The following PRDM16 variants were observed in gnomAD, a reference collection of about 807,000 sequenced individuals.
The protein encoded by PRDM16 is PR/SET domain 16.
In PRDM16, 23 loss-of-function variants were observed where a neutral mutation model predicts 110.6. The observed-to-expected ratio is 0.21, with a 90% CI of 0.15 to 0.29. PRDM16 has a LOEUF of 0.29. Among genes scored for constraint, PRDM16 ranks in the 10% least tolerant of loss-of-function variants. The pLI is 1.00. For missense variants in PRDM16, 1,615 were observed against 1,794.3 expected, an observed-to-expected ratio of 0.90 and a Z score of 1.81; for synonymous variants, 799 against 781.8, an observed-to-expected ratio of 1.02 and a Z score of -0.37.
rs1385434478 is a variant in PRDM16 at position 3,190,261 on chromosome 1, G to A, written c.387+3787G>A. Among the ~76,000 whole-genome samples, 4 of 151,544 alleles carry A rather than the reference G, an allele frequency of 2.6e-5. No individual in the cohort carries two copies. The highest frequency in any genetic ancestry group is 7.3e-5 in the African/African-American group (3 of 41,228). On this transcript the variant is annotated intron_variant, in intron 2 of 16. Coordinates refer to ENST00000270722, the MANE Select transcript of PRDM16 (RefSeq NM_022114.4). The surrounding 1 kb of genome is among the most constrained non-coding windows in gnomAD (Gnocchi z 5.0). ...CGTGGGGCAGCCTTACTTCAAGGTC[G>A]TGGGGCAGCCTTACTTCAAGGTCGT...
intron 3 of PRDM16, among the ~76,000 whole-genome samples, chr1:3,251,369 G>C (rs1266115368): frequency 6.6e-6 from 1 of 152,222 alleles, no homozygotes; most frequent in Non-Finnish European, 1.5e-5. Flanking sequence ...GTGAGGTGGG[G>C]TGAGAGCGGA....
chr1:3,327,735 T>C (rs1335223539), intron 3 of PRDM16, among the ~76,000 whole-genome samples: 1 of 152,110 alleles, frequency 6.6e-6, no homozygotes, highest in Non-Finnish European at 1.5e-5. Context: ...ACCACTGCAC[T>C]TGGCCCCCAC....
intron 4 of PRDM16, among the ~76,000 whole-genome samples, chr1:3,389,452 C>T (rs552357504): frequency 4.6e-5 from 7 of 152,190 alleles, no homozygotes; most frequent in Non-Finnish European, 1.0e-4. Flanking sequence ...TGCTTGTGGG[C>T]CCCACCTCCA....
At chr1:3,323,897 C>G (rs1641823305) in intron 3 of PRDM16, among the ~76,000 whole-genome samples, 1 of 152,228 alleles carries the variant, frequency 6.6e-6, no homozygotes, top group South Asian at 2.1e-4. Context: ...CTGCACGGGC[C>G]TCATCTCCTT....
At chr1:3,349,491 C>G (rs144096885) in intron 3 of PRDM16, among the ~76,000 whole-genome samples, 16 of 152,348 alleles carry the variant, frequency 1.1e-4, no homozygotes, top group African/African-American at 3.6e-4. Flanking sequence ...GGCGCAGCCA[C>G]TGGGTGCCCA....
Position 3,412,820 on chromosome 1 carries a change from C to T in PRDM16, c.2603+20C>T, listed in dbSNP as rs2493291. ...CTACAGGTATTCAGCACCCCAGCCTCACTGGCTCTCCCTGGGGCGGGGCCG... is the reference window on the plus strand; with the variant it reads ...CTACAGGTATTCAGCACCCCAGCCTTACTGGCTCTCCCTGGGGCGGGGCCG... On this transcript the variant is annotated intron_variant, in intron 9 of 16. Transcript: ENST00000270722. The T allele has an allele frequency of 0.13, 193,249 of 1,434,330 alleles. 13,832 individuals carry two copies. Among genetic ancestry groups the T allele is most frequent in the Middle Eastern group, 0.24 (1,279 of 5,394 alleles). The allele number at this position is 1,434,330 out of a possible 1,614,324, so 88.9% of individuals were successfully genotyped here. A position where few individuals can be genotyped will look rare whatever the true frequency, so the allele number is the denominator to read the frequency against.
rs1014808810 is a variant in PRDM16 at position 3,148,294 on chromosome 1, A to G, written c.38-37831A>G. Among the ~76,000 whole-genome samples the G allele has an allele frequency of 6.6e-6, 1 of 152,128 alleles. No individual in the cohort carries two copies. The highest frequency in any genetic ancestry group is 2.4e-5 in the African/African-American group (1 of 41,442). On this transcript the variant is annotated intron_variant, in intron 1 of 16. Transcript: ENST00000270722. This position sits in a 1 kb window ranked among gnomAD's most constrained non-coding sequence, Gnocchi z 5.0. ...GAGAGCAGGTCGGGTGCCAGGACAG[A>G]GCAGCCACAGGTGGCCGCCCAGGGG...
At chr1:3,395,872 C>T (rs10909937) in intron 4 of PRDM16, among the ~76,000 whole-genome samples, 72,220 of 152,094 alleles carry the variant, frequency 0.47, 17,576 homozygotes, top group East Asian at 0.62. Context: ...CCTGAGCCCA[C>T]CAGTTCTCAA....
chr1:3,298,191 G>A (rs762626501), intron 3 of PRDM16, among the ~76,000 whole-genome samples: 13 of 152,216 alleles, frequency 8.5e-5, no homozygotes, highest in Non-Finnish European at 1.5e-4. Context: ...GTAGATTCCC[G>A]TCAGGCATTG....
In PRDM16 at chr1:3,388,281, CCTCTCTCTTTCTCTGT is replaced by C. The variant is rs373570644; in HGVS notation, c.573+3023_573+3038del. 9.3e-3 allele frequency among the ~76,000 whole-genome samples: 1,422 copies of C among 152,096 alleles called. 24 individuals carry two copies. The highest frequency in any genetic ancestry group is 0.041 in the East Asian group (214 of 5,182). ...CTTCCTCCCTTCCCCTCTCTCTCTCCCTCTCTCTTTCTCTGTCTCTCTCTTTCTCTGTCTCTCTCTT... is the reference window on the plus strand; with the variant it reads ...CTTCCTCCCTTCCCCTCTCTCTCTCCCTCTCTCTTTCTCTGTCTCTCTCTT... On this transcript the variant is annotated intron_variant, in intron 4 of 16. Transcript: ENST00000270722.
intron 2 of PRDM16, chr1:3,205,875 G>C (rs1046683948): frequency 6.6e-6 from 1 of 152,230 alleles, no homozygotes; most frequent in South Asian, 2.1e-4. Context: ...CGGTGCAGCG[G>C]CATGGACTGG....
Position 3,246,189 on chromosome 1 carries a change from T to TA in PRDM16, c.438+2053dup, listed in dbSNP as rs1205756785. On this transcript the variant is annotated intron_variant, in intron 3 of 16. Coordinates refer to ENST00000270722, the MANE Select transcript of PRDM16 (RefSeq NM_022114.4). This position sits in a 1 kb window ranked among gnomAD's most constrained non-coding sequence, Gnocchi z 5.2. ...CCACGGTGGGTTTGCCTTTGTGTCT[T>TA]ATATGTGTGGCCATTAGGTCTCGCT... Among the ~76,000 whole-genome samples the TA allele has an allele frequency of 6.6e-6, 1 of 152,094 alleles. No individual in the cohort carries two copies. Among genetic ancestry groups the TA allele is most frequent in the Non-Finnish European group, 1.5e-5 (1 of 68,010 alleles).
rs544098097 is a variant in PRDM16 at position 3,187,939 on chromosome 1, AC to A, written c.387+1472del. Among the ~76,000 whole-genome samples the A allele has an allele frequency of 3.9e-5, 6 of 151,906 alleles. No individual in the cohort carries two copies. In the South Asian group the frequency reaches 1.3e-3, roughly 32 times the overall value. ...CGGGCAGCCCCTGTGGAACGGGCGT[AC>A]CCCCCCAACGAGAGGCAGAGGACAG... On this transcript the variant is annotated intron_variant, in intron 2 of 16. Transcript: ENST00000270722.
At chr1:3,227,581 G>A (rs1229971494) in intron 2 of PRDM16, among the ~76,000 whole-genome samples, 1 of 152,256 alleles carries the variant, frequency 6.6e-6, no homozygotes, top group Non-Finnish European at 1.5e-5. Context: ...CTAGCAGCCA[G>A]TGCCAAAAGG....
At chr1:3,173,016 G>C (rs1557501457) in intron 1 of PRDM16, among the ~76,000 whole-genome samples, 1 of 152,262 alleles carries the variant, frequency 6.6e-6, no homozygotes, top group Non-Finnish European at 1.5e-5. Flanking sequence ...CGTGGAGCTA[G>C]TGCTTGGAGC....
chr1:3,430,770 C>CG, intron 14 of PRDM16, 102 bp from the exon 15 acceptor site: 1 of 1,371,584 alleles, frequency 7.3e-7, no homozygotes, highest in Non-Finnish European at 1.0e-6. Context: ...TGAGTGTTGT[C>CG]GGGGGAGGCA....
rs2500256 is a variant in PRDM16 at position 3,350,717 on chromosome 1, C to T, written c.439-34435C>T. Among the ~76,000 whole-genome samples, 1 of 152,102 alleles carries T rather than the reference C, an allele frequency of 6.6e-6. No homozygotes were observed. The highest frequency in any genetic ancestry group is 1.5e-5 in the Non-Finnish European group (1 of 68,006). ...CATGCAGCCTCCCAGATGGCCGGGC[C>T]GGGCTGGTTCCTCCCTCCCAGGACA... is the stretch of plus-strand genomic sequence containing the variant. On this transcript the variant is annotated intron_variant, in intron 3 of 16. Transcript: ENST00000270722. This position sits in a 1 kb window ranked among gnomAD's most constrained non-coding sequence, Gnocchi z 7.1.
rs144129380 is a variant in PRDM16, at chr1:3,134,199, G to A, written c.38-51926G>A. Among the ~76,000 whole-genome samples, 1,368 of 152,320 alleles carry A rather than the reference G, an allele frequency of 9.0e-3. 30 individuals carry two copies. The highest frequency in any genetic ancestry group is 0.031 in the African/African-American group (1,271 of 41,564). On this transcript the variant is annotated intron_variant, in intron 1 of 16. Coordinates refer to ENST00000270722, the MANE Select transcript of PRDM16 (RefSeq NM_022114.4). ...CCGGCGCTGATGTCCAGTGGGAAGG[G>A]GAAGCCTCTACACAGAGGCTCCCAC... is the stretch of plus-strand genomic sequence containing the variant.
At chr1:3,322,494 C>T (rs1641783006) in intron 3 of PRDM16, among the ~76,000 whole-genome samples, 1 of 152,174 alleles carries the variant, frequency 6.6e-6, no homozygotes, top group Non-Finnish European at 1.5e-5. Flanking sequence ...CTGGGGCTCT[C>T]ACTCTCCCTA....
Sources: gnomAD v4.1 joint callset for allele counts (sites outside exome capture counted in the v4.1 genomes callset) on GRCh38, gnomAD v4.1.1 for gene constraint, Gnocchi (gnomAD v3.1) non-coding constraint, MANE v1.5 for transcripts, NCBI Gene and HGNC (gene_info 2026-07-23, HGNC 2026-07-21) for gene names.